The following FAP variants were observed in gnomAD, a reference collection of about 807,000 sequenced individuals.
The protein encoded by FAP is fibroblast activation protein alpha.
FAP carries 110 observed loss-of-function variants against 126.5 expected under a neutral mutation model. The observed-to-expected ratio is 0.87, with a 90% CI of 0.74 to 1.02. The LOEUF is 1.02. FAP is among the 50% of genes least tolerant of loss of function. The probability of loss-of-function intolerance (pLI) is 0.00; values close to 1 mark genes in which losing one functional copy is unlikely to be tolerated. For missense variants in FAP, 919 were observed against 909.2 expected (o/e 1.01, Z -0.14); for synonymous variants, 334 against 297.3 (o/e 1.12, Z -1.27).
At chr2:162,239,014 G>A (rs2106306477) in intron 2 of FAP, among the ~76,000 whole-genome samples, 1 of 152,200 alleles carries the variant, frequency 6.6e-6, no homozygotes, top group South Asian at 2.1e-4. Flanking sequence ...ATATATATAT[G>A]TGTATGTATG....
chr2:162,221,381 T>C (rs1689388849), intron 6 of FAP, among the ~76,000 whole-genome samples: 1 of 151,774 alleles, frequency 6.6e-6, no homozygotes, highest in Admixed American at 6.6e-5. Context: ...ACACAAAAAT[T>C]AGCAGTGGTG....
chr2:162,228,492 G>A (rs1576193204), intron 2 of FAP, among the ~76,000 whole-genome samples: 1 of 152,108 alleles, frequency 6.6e-6, no homozygotes, highest in Admixed American at 6.5e-5. Context: ...CCACACTTTT[G>A]ATTAGGACCA....
Position 162,218,073 on chromosome 2 carries a change from T to C in FAP, c.675A>G (p.Glu225=), listed in dbSNP as rs1281217355. ...SPNGKFLAYA[E]FNDTDIPVIA... is the part of the protein sequence containing the mutation. Reference sequence around the variant, plus strand: ...TAACTGGTATATCCGTATCATTAAATTCCGCATATGCCAAAAATTTTCCAT... The same window carrying C: ...TAACTGGTATATCCGTATCATTAAACTCCGCATATGCCAAAAATTTTCCAT... The change falls in exon 9 of 26, where the codon GAA becomes GAG. Residue 225 remains glutamate, a synonymous_variant. Coordinates refer to ENST00000188790, the MANE Select transcript of FAP (RefSeq NM_004460.5). The C allele has an allele frequency of 3.7e-6, 6 of 1,609,026 alleles. No homozygotes were observed. The African/African-American group carries it at 5.4e-5, about 14-fold the overall frequency.
intron 11 of FAP, among the ~76,000 whole-genome samples, chr2:162,213,322 G>A (rs1438674770): frequency 1.3e-5 from 2 of 150,828 alleles, no homozygotes; most frequent in Non-Finnish European, 2.9e-5. Flanking sequence ...GTTGCAGTGA[G>A]TCCAGATTGC....
chr2:162,227,169 G>A (rs1189427961), intron 2 of FAP, among the ~76,000 whole-genome samples: 2 of 152,100 alleles, frequency 1.3e-5, no homozygotes, highest in African/African-American at 4.8e-5. Flanking sequence ...GAAATCTCAA[G>A]AAAGACATTA....
At chr2:162,222,712 A>G (rs556057474) in intron 6 of FAP, among the ~76,000 whole-genome samples, 1 of 152,310 alleles carries the variant, frequency 6.6e-6, no homozygotes, top group South Asian at 2.1e-4. Context: ...TTCCATTTAA[A>G]ACCTTTGAAT....
rs768809018 is a variant in FAP at position 162,188,224 on chromosome 2, C to T, written c.1759G>A (p.Ala587Thr). 1.2e-6 allele frequency: 2 copies of T among 1,613,298 alleles called. No homozygotes were observed. Among genetic ancestry groups the T allele is most frequent in the South Asian group, 2.2e-5 (2 of 91,052 alleles). Reference protein sequence around the residue: ...TAFQGDKLLYAVYRKLGVYEV... With the variant: ...TAFQGDKLLYTVYRKLGVYEV... ...TAAACACCCAGCTTTCGATACACTGCATAGAGGAGTTTGTCACCTTGGAAA... is the reference window on the plus strand; with the variant it reads ...TAAACACCCAGCTTTCGATACACTGTATAGAGGAGTTTGTCACCTTGGAAA... The change falls in exon 20 of 26, where the codon GCA becomes ACA. Residue 587 changes from alanine (A) to threonine (T), a missense_variant. Physicochemically the swap from Ala to Thr is moderately conservative, Grantham distance 58 (BLOSUM62 0). Coordinates refer to ENST00000188790, the MANE Select transcript of FAP (RefSeq NM_004460.5).
At chr2:162,188,435 A>T in intron 19 of FAP, 72 bp from the exon 20 acceptor site, 1 of 1,312,726 alleles carries the variant, frequency 7.6e-7, no homozygotes, top group Non-Finnish European at 1.1e-6. Flanking sequence ...CTGGCCAAGC[A>T]TTGCTTCTAG....
intron 5 of FAP, 42 bp downstream of exon 5, chr2:162,224,424 T>G (rs988400365): frequency 1.7e-6 from 2 of 1,177,576 alleles, no homozygotes; most frequent in African/African-American, 3.1e-5. Flanking sequence ...TGTGGATTAG[T>G]AGGAGATACA....
intron 2 of FAP, among the ~76,000 whole-genome samples, chr2:162,238,822 A>T (rs1053797259): frequency 1.1e-4 from 16 of 152,214 alleles, no homozygotes; most frequent in African/African-American, 3.9e-4. Context: ...GTAATAGAAT[A>T]CTAATTAGTA....
At chr2:162,228,032 C>T (rs753306195) in intron 2 of FAP, among the ~76,000 whole-genome samples, 80 of 152,258 alleles carry the variant, frequency 5.3e-4, no homozygotes, top group South Asian at 8.3e-4. Flanking sequence ...TCCCACCTCC[C>T]TCTGTATAAT....
chr2:162,220,896 A>G (rs924734559), intron 6 of FAP, among the ~76,000 whole-genome samples: 1 of 152,178 alleles, frequency 6.6e-6, no homozygotes, highest in African/African-American at 2.4e-5. Flanking sequence ...CCTGCCGCCC[A>G]AGCACAATTT....
At chr2:162,202,987 T>C in intron 13 of FAP, 45 bp from the exon 14 acceptor site, 1 of 1,601,050 alleles carries the variant, frequency 6.2e-7, no homozygotes, top group Non-Finnish European at 8.6e-7. Flanking sequence ...GAGCGTTATT[T>C]GAGCAACCTC....
At chr2:162,195,666 A>G (rs1250305495) in intron 16 of FAP, among the ~76,000 whole-genome samples, 3 of 152,158 alleles carry the variant, frequency 2.0e-5, no homozygotes, top group Non-Finnish European at 2.9e-5. Flanking sequence ...ATATTCCAAC[A>G]TGCATTCAGC....
Position 162,215,721 on chromosome 2 carries a change from G to A in FAP, c.866+177C>T, listed in dbSNP as rs115454954. ...GATCACCGAGGTCACGTTTATATGT[G>A]TAAAAGGGCTAATTTTGAAAAACCA... is the stretch of plus-strand genomic sequence containing the variant. On this transcript the variant is annotated intron_variant, in intron 10 of 25. Coordinates refer to ENST00000188790, the MANE Select transcript of FAP (RefSeq NM_004460.5). Among the ~76,000 whole-genome samples, 828 of 152,292 alleles carry A rather than the reference G, an allele frequency of 5.4e-3. 14 individuals are homozygous for A. The highest frequency in any genetic ancestry group is 0.019 in the African/African-American group (806 of 41,546).
chr2:162,195,520 T>TG (rs968015607), intron 16 of FAP, among the ~76,000 whole-genome samples: 1 of 151,384 alleles, frequency 6.6e-6, no homozygotes, highest in African/African-American at 2.4e-5. Context: ...TCTCCCGGGT[T>TG]GGGGGGAGGT....
intron 12 of FAP, among the ~76,000 whole-genome samples, chr2:162,204,198 A>C (rs1193000861): frequency 6.6e-6 from 1 of 152,212 alleles, no homozygotes; most frequent in African/African-American, 2.4e-5. Flanking sequence ...ATTGTAGAGC[A>C]AGAAAAGAGT....
intron 2 of FAP, among the ~76,000 whole-genome samples, chr2:162,229,603 AAC>A (rs990608612): frequency 6.6e-6 from 1 of 152,168 alleles, no homozygotes; most frequent in East Asian, 1.9e-4. Context: ...CATAAAAAAC[AAC>A]AGTTTCAAAT....
At chr2:162,178,091 G>A (rs1002611546) in intron 21 of FAP, among the ~76,000 whole-genome samples, 3 of 152,116 alleles carry the variant, frequency 2.0e-5, no homozygotes, top group African/African-American at 7.2e-5. Context: ...GTCTAATATA[G>A]TCTCATTAGA....
Sources: gnomAD v4.1 joint callset for allele counts (sites outside exome capture counted in the v4.1 genomes callset) on GRCh38, gnomAD v4.1.1 for gene constraint, MANE v1.5 for transcripts, NCBI Gene and HGNC (gene_info 2026-07-23, HGNC 2026-07-21) for gene names.